ZNF566: variants seen among roughly 807,000 people sequenced by gnomAD.
ZNF566 encodes the protein zinc finger protein 566.
In ZNF566, 27 loss-of-function variants were observed where a neutral mutation model predicts 32.8. The ratio of observed to expected loss-of-function variants is 0.82; its 90% CI spans 0.61 to 1.14. The LOEUF is 1.14. ZNF566 is among the 50% of genes most tolerant of loss of function. ZNF566 has a pLI of 0.00. For missense variants in ZNF566, 402 were observed against 490.4 expected (o/e 0.82, Z 1.70); for synonymous variants, 154 against 159.5 (o/e 0.97, Z 0.26).
chr19:36,481,275 A>G (rs1779832758), intron 1 of ZNF566, among the ~76,000 whole-genome samples: 1 of 152,170 alleles, frequency 6.6e-6, no homozygotes, highest in South Asian at 2.1e-4. Context: ...ATTTGGGACC[A>G]GCCTGGCCAA....
chr19:36,463,687 T>C (rs1021824273), intron 4 of ZNF566, among the ~76,000 whole-genome samples: 4 of 150,900 alleles, frequency 2.7e-5, no homozygotes, highest in Admixed American at 1.3e-4. Flanking sequence ...GGACAACAGG[T>C]GTGCGCCACC....
Position 36,448,348 on chromosome 19 carries a change from T to C in ZNF566, c.*629A>G, listed in dbSNP as rs1412573076. 1 of 152,148 alleles carries C rather than the reference T, an allele frequency of 6.6e-6. No homozygotes were observed. The highest frequency in any genetic ancestry group is 1.9e-4 in the East Asian group (1 of 5,186). 9.4% of individuals were successfully genotyped at this position (152,148 alleles called of 1,614,324 possible). A position where few individuals can be genotyped will look rare whatever the true frequency, so the allele number is the denominator to read the frequency against. ...TACGATATCCACCAATAGGATTTCATAAGTGATATTACAGTAACACAACAA... is the reference window on the plus strand; with the variant it reads ...TACGATATCCACCAATAGGATTTCACAAGTGATATTACAGTAACACAACAA... On this transcript the variant is annotated 3_prime_UTR_variant, in exon 5 of 5. Coordinates refer to ENST00000452939, the MANE Select transcript of ZNF566 (RefSeq NM_001145344.1).
intron 2 of ZNF566, 67 bp from the exon 3 acceptor site, chr19:36,473,525 GAAGA>G: frequency 7.0e-7 from 1 of 1,432,998 alleles, no homozygotes. Flanking sequence ...AGGAAAGAGA[GAAGA>G]AAAAGATTAA....
At chr19:36,480,591 C>T (rs1196478497) in intron 1 of ZNF566, among the ~76,000 whole-genome samples, 4 of 122,532 alleles carry the variant, frequency 3.3e-5, no homozygotes, top group Non-Finnish European at 7.7e-5. Context: ...AGCCTCCATG[C>T]AGTTTAGATG....
In ZNF566 at chr19:36,449,424, G is replaced by A; in HGVS notation, c.810C>T (p.Phe270=). The change falls in exon 5 of 5, where the codon TTC becomes TTT. Residue 270 remains phenylalanine (F), a synonymous_variant. Coordinates refer to ENST00000452939, the MANE Select transcript of ZNF566 (RefSeq NM_001145344.1). ...CTGTGTGAATTCTCTGATGTCGAGT[G>A]AAGTTTGAACCACTACTAAAGGCTT... ...CGKAFSSGSN[F]TRHQRIHTGE... 1 of 1,613,404 alleles carries A rather than the reference G, an allele frequency of 6.2e-7. No individual in the cohort carries two copies. The highest frequency in any genetic ancestry group is 8.5e-7 in the Non-Finnish European group (1 of 1,179,862).
At chr19:36,481,197 A>C (rs1252580441) in intron 1 of ZNF566, among the ~76,000 whole-genome samples, 1 of 152,088 alleles carries the variant, frequency 6.6e-6, no homozygotes, top group South Asian at 2.1e-4. Context: ...AGGGCTGGGC[A>C]CAGGGGCTCA....
At chr19:36,479,496 A>G (rs1233017083) in intron 1 of ZNF566, among the ~76,000 whole-genome samples, 1 of 152,236 alleles carries the variant, frequency 6.6e-6, no homozygotes, top group African/African-American at 2.4e-5. Flanking sequence ...TAAACATCAA[A>G]TACTCAGGTA....
chr19:36,477,535 TTGTTTGTTTGTTTG>T (rs1181178361), intron 1 of ZNF566, among the ~76,000 whole-genome samples: 6 of 103,578 alleles, frequency 5.8e-5, no homozygotes, highest in Admixed American at 8.6e-5. Context: ...TGTTTTTTTT[TTGTTTGTTTGTTTG>T]TTTTTTTGAG....
In ZNF566 at chr19:36,470,321, G is replaced by A. The variant is rs555869920; in HGVS notation, c.232+2590C>T. On this transcript the variant is annotated intron_variant, in intron 4 of 4. Transcript: ENST00000452939. ...CATAAGCAAACCCACCCTTGATTTTGCAAGCCCCAAATCTACTTTCCCCAT... is the reference window on the plus strand; with the variant it reads ...CATAAGCAAACCCACCCTTGATTTTACAAGCCCCAAATCTACTTTCCCCAT... 2.6e-5 allele frequency among the ~76,000 whole-genome samples: 4 copies of A among 152,212 alleles called. No homozygotes were observed. The South Asian group carries it at 8.3e-4, about 32-fold the overall frequency.
intron 1 of ZNF566, among the ~76,000 whole-genome samples, chr19:36,481,087 T>C (rs1286955958): frequency 6.6e-6 from 1 of 151,862 alleles, no homozygotes; most frequent in East Asian, 1.9e-4. Context: ...TAAATAAATA[T>C]CTGCTACAAA....
Position 36,448,700 on chromosome 19 carries a change from AAGTGCTGTCATTTTC to A in ZNF566, c.*262_*276del, listed in dbSNP as rs1393791072. On this transcript the variant is annotated 3_prime_UTR_variant, in exon 5 of 5. Coordinates refer to ENST00000452939, the MANE Select transcript of ZNF566 (RefSeq NM_001145344.1). The stretch of plus-strand genomic sequence containing the variant: ...GTTAAGAAGGTTAGAAAGGTGTTAA[AAGTGCTGTCATTTTC>A]AGTATGACAGACTGAATTATCTATC... 7.5e-6 allele frequency: 2 copies of A among 266,932 alleles called. No individual in the cohort carries two copies. The highest frequency in any genetic ancestry group is 1.4e-5 in the Non-Finnish European group (2 of 143,194). 16.5% of individuals were successfully genotyped at this position (266,932 alleles called of 1,614,324 possible).
intron 1 of ZNF566, among the ~76,000 whole-genome samples, chr19:36,480,155 T>C (rs2033989139): frequency 6.6e-6 from 1 of 152,000 alleles, no homozygotes; most frequent in South Asian, 2.1e-4. Context: ...GGACTAAAAC[T>C]ACAGATTTCA....
Position 36,470,449 on chromosome 19 carries a change from T to C in ZNF566, c.232+2462A>G, listed in dbSNP as rs2033733034. ...AGACTGAATCCTGCTAACTCTTCCT[T>C]GAAAAGATTTCAAACCCACCGCTTC... On this transcript the variant is annotated intron_variant, in intron 4 of 4. Transcript: ENST00000452939. 2.0e-5 allele frequency among the ~76,000 whole-genome samples: 3 copies of C among 152,292 alleles called. No homozygotes were observed. The South Asian group carries it at 6.2e-4, about 32-fold the overall frequency.
intron 4 of ZNF566, among the ~76,000 whole-genome samples, chr19:36,454,848 G>A (rs1222881704): frequency 6.6e-6 from 1 of 152,128 alleles, no homozygotes; most frequent in Non-Finnish European, 1.5e-5. Flanking sequence ...CTTCCAAAAT[G>A]TTGAAGACGG....
chr19:36,459,861 C>T (rs116845399), intron 4 of ZNF566, among the ~76,000 whole-genome samples: 2,744 of 148,664 alleles, frequency 0.018, 38 homozygotes, highest in Non-Finnish European at 0.031. Flanking sequence ...CTCTGTTGCC[C>T]AGGTGAGAGT....
chr19:36,454,148 C>T (rs2033240440), intron 4 of ZNF566, among the ~76,000 whole-genome samples: 1 of 152,108 alleles, frequency 6.6e-6, no homozygotes, highest in South Asian at 2.1e-4. Context: ...ATCCTCCCAC[C>T]TCAGCCTCCC....
chr19:36,485,576 A>G (rs892988084), intron 1 of ZNF566, among the ~76,000 whole-genome samples: 13 of 152,188 alleles, frequency 8.5e-5, no homozygotes, highest in African/African-American at 2.9e-4. Context: ...AGCCTGGCCA[A>G]CATGGTGAAA....
chr19:36,478,830 GCACGAA>G (rs2145698960), intron 1 of ZNF566, among the ~76,000 whole-genome samples: 1 of 152,266 alleles, frequency 6.6e-6, no homozygotes, highest in Admixed American at 6.5e-5. Context: ...TGAGATAAGA[GCACGAA>G]CAGTAGGGTT....
chr19:36,488,706 T>C (rs1020546781), intron 1 of ZNF566, among the ~76,000 whole-genome samples: 5 of 152,128 alleles, frequency 3.3e-5, no homozygotes, highest in African/African-American at 1.2e-4. Flanking sequence ...AGCAAAGAAA[T>C]TGAATTAACC....
Sources: allele counts gnomAD v4.1 joint callset (sites outside exome capture counted in the v4.1 genomes callset), GRCh38; gene constraint gnomAD v4.1.1; transcripts MANE v1.5; gene names NCBI Gene and HGNC (gene_info 2026-07-23, HGNC 2026-07-21).